The following PTPN11 variants were observed in gnomAD, a reference collection of about 807,000 sequenced individuals.
PTPN11 encodes the protein protein tyrosine phosphatase non-receptor type 11, also known as tyrosine-protein phosphatase non-receptor type 11.
Under a neutral mutation model 78.8 loss-of-function variants are expected in PTPN11, and 6 were observed. The observed-to-expected ratio is 0.08, with a 90% CI of 0.04 to 0.15. The LOEUF (loss-of-function observed/expected upper bound fraction) is 0.15, where lower values mean the gene tolerates loss of function less well. Ranked by LOEUF, PTPN11 falls within the 10% of genes least tolerant of loss-of-function variation. The probability of loss-of-function intolerance (pLI) is 1.00; values close to 1 mark genes in which losing one functional copy is unlikely to be tolerated. For missense variants in PTPN11, 386 were observed against 744.8 expected, an observed-to-expected ratio of 0.52 and a Z score of 5.61; for synonymous variants, 221 against 263.5, an observed-to-expected ratio of 0.84 and a Z score of 1.56.
At chr12:112,467,377 G>A (rs1254276121) in intron 6 of PTPN11, among the ~76,000 whole-genome samples, 1 of 152,204 alleles carries the variant, frequency 6.6e-6, no homozygotes, top group Non-Finnish European at 1.5e-5. Flanking sequence ...CATGGCTCCA[G>A]CATCTGCTTC....
chr12:112,450,290 T>C, intron 2 of PTPN11, 28 bp from the exon 3 acceptor site: 2 of 1,553,782 alleles, frequency 1.3e-6, no homozygotes, highest in Non-Finnish European at 1.8e-6. Flanking sequence ...TTTGTCCCCT[T>C]GCCTCCCTTT....
intron 13 of PTPN11, among the ~76,000 whole-genome samples, chr12:112,497,578 A>G (rs1278135283): frequency 3.3e-5 from 5 of 152,194 alleles, no homozygotes; most frequent in Non-Finnish European, 7.3e-5. Context: ...ATACTTGTTC[A>G]TTCATTCCTG....
intron 14 of PTPN11, 75 bp downstream of exon 14, chr12:112,502,331 C>CA: frequency 8.0e-7 from 1 of 1,246,770 alleles, no homozygotes; most frequent in Non-Finnish European, 1.2e-6. Flanking sequence ...AAAACAAAAA[C>CA]AAAACACAAG....
Position 112,509,122 on chromosome 12 carries a change from A to T in PTPN11, c.*3330A>T, listed in dbSNP as rs1462168190. On this transcript the variant is annotated 3_prime_UTR_variant, in exon 16 of 16. Coordinates refer to ENST00000351677, the MANE Select transcript of PTPN11 (RefSeq NM_002834.5). ...GTTGTTGGGGGATCAACTTTCACAC[A>T]TAGCAAGCACATGGCCTCCCTGATG... 2 of 152,272 alleles carry T rather than the reference A, an allele frequency of 1.3e-5. No homozygotes were observed. The highest frequency in any genetic ancestry group is 2.9e-5 in the Non-Finnish European group (2 of 68,054). The allele number at this position is 152,272 out of a possible 1,614,324, so 9.4% of individuals were successfully genotyped here.
At chr12:112,426,827 A>C (rs941006779) in intron 1 of PTPN11, among the ~76,000 whole-genome samples, 6 of 151,796 alleles carry the variant, frequency 4.0e-5, no homozygotes, top group African/African-American at 1.5e-4. Flanking sequence ...TGTAGATACG[A>C]GGTCTCACTA....
chr12:112,456,574 C>T lies in PTPN11; in HGVS notation c.756+511C>T, dbSNP rs2038164547. 2.0e-5 allele frequency among the ~76,000 whole-genome samples: 3 copies of T among 150,784 alleles called. No individual in the cohort carries two copies. In the South Asian group the frequency reaches 6.4e-4, roughly 32 times the overall value. The stretch of plus-strand genomic sequence containing the variant: ...CCCTGGGCTCAAGTGATCTTCCCAT[C>T]TCAGCCTACTGAGTAGCTGGGACTA... On this transcript the variant is annotated intron_variant, in intron 6 of 15. Coordinates refer to ENST00000351677, the MANE Select transcript of PTPN11 (RefSeq NM_002834.5).
At chr12:112,460,388 T>TAA (rs1376102240) in intron 6 of PTPN11, among the ~76,000 whole-genome samples, 1 of 152,254 alleles carries the variant, frequency 6.6e-6, no homozygotes, top group African/African-American at 2.4e-5. Flanking sequence ...ATTTTTTATT[T>TAA]ATAAATATTT....
chr12:112,491,655 TAGTATCTTTTATGGGTCC>T (rs1301070210), intron 13 of PTPN11, among the ~76,000 whole-genome samples: 1 of 152,198 alleles, frequency 6.6e-6, no homozygotes, highest in Non-Finnish European at 1.5e-5. Flanking sequence ...TTTGTCCTGC[TAGTATCTTTTATGGGTCC>T]AGGGTCACAC....
At chr12:112,422,672 T>C (rs945931454) in intron 1 of PTPN11, among the ~76,000 whole-genome samples, 1 of 152,154 alleles carries the variant, frequency 6.6e-6, no homozygotes, top group African/African-American at 2.4e-5. Flanking sequence ...TGCTGAAAAA[T>C]AACAGTTCTG....
intron 6 of PTPN11, among the ~76,000 whole-genome samples, chr12:112,463,554 A>T (rs1403977963): frequency 2.0e-5 from 3 of 152,228 alleles, no homozygotes; most frequent in Non-Finnish European, 4.4e-5. Context: ...AGGAACTCTT[A>T]GCCTGACTCT....
chr12:112,456,131 C>T (rs1592831667), intron 6 of PTPN11, 68 bp downstream of exon 6: 1 of 1,061,246 alleles, frequency 9.4e-7, no homozygotes, highest in Non-Finnish European at 1.4e-6. Flanking sequence ...AGAAGTTGCT[C>T]TTGTGTTTGG....
At chr12:112,452,367 C>T (rs1035966193) in intron 3 of PTPN11, among the ~76,000 whole-genome samples, 2 of 152,110 alleles carry the variant, frequency 1.3e-5, no homozygotes, top group African/African-American at 4.8e-5. Flanking sequence ...GCTGGGATTA[C>T]AGGCACTTGC....
chr12:112,472,415 G>A (rs80279219), intron 6 of PTPN11, among the ~76,000 whole-genome samples: 4,530 of 152,246 alleles, frequency 0.03, 89 homozygotes, highest in Middle Eastern at 0.088. Context: ...CTTTTTAAAT[G>A]GACATAGAAC....
intron 6 of PTPN11, among the ~76,000 whole-genome samples, chr12:112,458,059 T>A (rs1391879292): frequency 6.6e-6 from 1 of 152,236 alleles, no homozygotes; most frequent in Non-Finnish European, 1.5e-5. Context: ...ATTGAATGAA[T>A]AAGTGAATAC....
At chr12:112,456,899 G>A (rs180752565) in intron 6 of PTPN11, among the ~76,000 whole-genome samples, 51 of 152,146 alleles carry the variant, frequency 3.4e-4, no homozygotes, top group African/African-American at 1.1e-3. Context: ...GATAACTCTG[G>A]TAAGTTAAGT....
At chr12:112,489,516 A>G (rs1276972755) in intron 13 of PTPN11, among the ~76,000 whole-genome samples, 1 of 152,192 alleles carries the variant, frequency 6.6e-6, no homozygotes, top group Non-Finnish European at 1.5e-5. Context: ...GCCTTGATCC[A>G]GGCCATGTTT....
Position 112,482,350 on chromosome 12 carries a change from T to C in PTPN11, c.1224+145T>C. 1 of 962,080 alleles carries C rather than the reference T, an allele frequency of 1.0e-6. No individual in the cohort carries two copies. The highest frequency in any genetic ancestry group is 1.6e-6 in the Non-Finnish European group (1 of 618,792). 59.6% of individuals were successfully genotyped at this position (962,080 alleles called of 1,614,324 possible). On this transcript the variant is annotated intron_variant, in intron 10 of 15. Transcript: ENST00000351677. This position sits in a 1 kb window ranked among gnomAD's most constrained non-coding sequence, Gnocchi z 4.4. ...AGCCATTTATTAGCTTCCTTCTATG[T>C]GCCAGGTACAGTTTAAGCAGTACTG...
intron 7 of PTPN11, among the ~76,000 whole-genome samples, chr12:112,476,027 C>T (rs2038496271): frequency 6.6e-6 from 1 of 151,840 alleles, no homozygotes; most frequent in Non-Finnish European, 1.5e-5. Flanking sequence ...CTGGTCTTGA[C>T]CTCCTGGGCC....
intron 10 of PTPN11, among the ~76,000 whole-genome samples, chr12:112,484,986 C>A (rs925676696): frequency 7.2e-5 from 11 of 151,900 alleles, no homozygotes; most frequent in African/African-American, 2.2e-4. Flanking sequence ...TAAGGCTGGG[C>A]AAAGTGGCTC....
Sources: allele counts gnomAD v4.1 joint callset (sites outside exome capture counted in the v4.1 genomes callset), GRCh38; gene constraint gnomAD v4.1.1; non-coding constraint Gnocchi (gnomAD v3.1); transcripts MANE v1.5; gene names NCBI Gene and HGNC (gene_info 2026-07-23, HGNC 2026-07-21).